LINGO2: variants seen among roughly 807,000 people sequenced by gnomAD.
LINGO2 encodes the protein leucine-rich repeat and immunoglobulin-like domain-containing nogo receptor-interacting protein 2.
LINGO2 carries 14 observed loss-of-function variants against 30.6 expected under a neutral mutation model. The ratio of observed to expected loss-of-function variants is 0.46; its 90% CI spans 0.30 to 0.72. LINGO2 has a LOEUF of 0.72. LINGO2 is among the 30% of genes least tolerant of loss of function. LINGO2 has a pLI of 0.07. For synonymous variants in LINGO2, 317 were observed against 288.5 expected, an observed-to-expected ratio of 1.10 and a Z score of -1.00; for missense variants, 729 against 751.7, an observed-to-expected ratio of 0.97 and a Z score of 0.35.
At chr9:28,777,931 C>T in the LINGO2 span, among the ~76,000 whole-genome samples, 1 of 152,068 alleles carries the variant, frequency 6.6e-6, no homozygotes, top group African/African-American at 2.4e-5. Context: ...CCCATAGTTC[C>T]TTCTGCCTTC....
chr9:28,586,764 G>A (rs903560003), intron 1 of LINGO2, among the ~76,000 whole-genome samples: 6 of 151,976 alleles, frequency 3.9e-5, no homozygotes, highest in African/African-American at 1.4e-4. Context: ...TCTCAAAGGT[G>A]AGCAGGGCCG....
At chr9:29,016,638 C>T in the LINGO2 span, among the ~76,000 whole-genome samples, 1 of 152,160 alleles carries the variant, frequency 6.6e-6, no homozygotes, top group Non-Finnish European at 1.5e-5. Context: ...CAAATTCTTA[C>T]ATTAACCCAA....
At chr9:28,618,997 A>G (rs1032688718) in intron 1 of LINGO2, among the ~76,000 whole-genome samples, 1 of 152,160 alleles carries the variant, frequency 6.6e-6, no homozygotes, top group Non-Finnish European at 1.5e-5. Flanking sequence ...GCAAAATAAG[A>G]CTTCGTAAAT....
At chr9:28,958,817 C>T in the LINGO2 span, among the ~76,000 whole-genome samples, 6 of 151,848 alleles carry the variant, frequency 4.0e-5, no homozygotes, top group Admixed American at 1.3e-4. Context: ...AGAGGTTGGC[C>T]ATGGCAATGA....
At chr9:27,949,684 G>C (rs1176565295) in exon 6 of LINGO2, 3 of 1,614,140 alleles carry the variant, frequency 1.9e-6, no homozygotes, top group South Asian at 2.2e-5. Flanking sequence ...AGCAGGTTCT[G>C]AGACACATTG....
chr9:27,939,072 C>A, the LINGO2 span: 4 of 152,108 alleles, frequency 2.6e-5, no homozygotes, highest in African/African-American at 9.7e-5. Flanking sequence ...ATTTACTTAT[C>A]AATTTGGAAA....
intron 5 of LINGO2, among the ~76,000 whole-genome samples, chr9:28,007,171 CT>C (rs1354867647): frequency 1.3e-5 from 2 of 152,154 alleles, no homozygotes; most frequent in African/African-American, 4.8e-5. Flanking sequence ...AGACAGTCAT[CT>C]AGCCCAACTC....
chr9:28,072,276 C>G (rs1199046021), intron 4 of LINGO2, among the ~76,000 whole-genome samples: 2 of 152,194 alleles, frequency 1.3e-5, no homozygotes, highest in African/African-American at 2.4e-5. Context: ...CCTGTCCTCT[C>G]TTAAGAAAAT....
At chr9:29,035,557 C>T in the LINGO2 span, among the ~76,000 whole-genome samples, 10 of 74,416 alleles carry the variant, frequency 1.3e-4, no homozygotes, top group South Asian at 4.1e-3. Flanking sequence ...TACATTCCTT[C>T]TTCCAGTGTA....
chr9:28,339,913 G>A (rs1255362183), intron 3 of LINGO2, among the ~76,000 whole-genome samples: 4 of 152,108 alleles, frequency 2.6e-5, no homozygotes, highest in South Asian at 2.1e-4. Flanking sequence ...CCTGTAGCCT[G>A]TTTAGCCATA....
At chr9:28,671,312 T>C (rs1829000428), upstream of LINGO2, among the ~76,000 whole-genome samples, 2 of 151,936 alleles carry the variant, frequency 1.3e-5, no homozygotes, top group Non-Finnish European at 2.9e-5. Flanking sequence ...GGTAGAAAGA[T>C]GGTGCTCCTC....
intron 4 of LINGO2, among the ~76,000 whole-genome samples, chr9:28,156,871 C>A (rs568911203): frequency 6.6e-6 from 1 of 152,334 alleles, no homozygotes; most frequent in South Asian, 2.1e-4. Flanking sequence ...TGCTTTATAT[C>A]CAGGTCATGC....
At chr9:28,110,320 G>T (rs909291847) in intron 4 of LINGO2, among the ~76,000 whole-genome samples, 1 of 152,154 alleles carries the variant, frequency 6.6e-6, no homozygotes, top group African/African-American at 2.4e-5. Flanking sequence ...ATACCATTCA[G>T]AACATAGGCA....
At chr9:28,029,632 T>C (rs1823563209) in intron 4 of LINGO2, among the ~76,000 whole-genome samples, 1 of 152,146 alleles carries the variant, frequency 6.6e-6, no homozygotes, top group Non-Finnish European at 1.5e-5. Context: ...TGACCTGAAA[T>C]CAGCAATAAC....
rs183276947 is a variant in LINGO2 at position 28,626,077 on chromosome 9, C to T, written c.-365+44123G>A. ...GAGAATTCCGCTTGCTTCACAAATGCCAAAATTTGTATTCTCATTCTTTTA... is the reference window on the plus strand; with the variant it reads ...GAGAATTCCGCTTGCTTCACAAATGTCAAAATTTGTATTCTCATTCTTTTA... On this transcript the variant is annotated intron_variant, in intron 1 of 5. Coordinates refer to ENST00000379992, the Ensembl canonical transcript of LINGO2. 2.3e-3 allele frequency among the ~76,000 whole-genome samples: 350 copies of T among 152,150 alleles called. 2 individuals are homozygous for T. The highest frequency in any genetic ancestry group is 8.1e-3 in the African/African-American group (337 of 41,532).
chr9:28,991,179 T>G, the LINGO2 span, among the ~76,000 whole-genome samples: 1 of 152,058 alleles, frequency 6.6e-6, no homozygotes, highest in African/African-American at 2.4e-5. Flanking sequence ...AAGGAGCTGA[T>G]GGAGCTGAAA....
intron 1 of LINGO2, among the ~76,000 whole-genome samples, chr9:28,593,989 C>A (rs1224318785): frequency 6.6e-6 from 1 of 151,636 alleles, no homozygotes; most frequent in African/African-American, 2.4e-5. Flanking sequence ...GAACTCCTTG[C>A]TTTCACTATT....
At chr9:28,568,064 T>A (rs1454070993) in intron 1 of LINGO2, among the ~76,000 whole-genome samples, 1 of 152,018 alleles carries the variant, frequency 6.6e-6, no homozygotes, top group South Asian at 2.1e-4. Context: ...AGGTGTGACA[T>A]CAGCAAGGTG....
chr9:28,658,773 A>T (rs1450082997), intron 1 of LINGO2, among the ~76,000 whole-genome samples: 19 of 152,108 alleles, frequency 1.2e-4, no homozygotes, highest in Non-Finnish European at 7.4e-5. Flanking sequence ...AATCACAGCA[A>T]TAGAAAACTA....
Sources: gnomAD v4.1 joint callset for allele counts (sites outside exome capture counted in the v4.1 genomes callset) on GRCh38, gnomAD v4.1.1 for gene constraint, MANE v1.5 for transcripts, NCBI Gene and HGNC (gene_info 2026-07-23, HGNC 2026-07-21) for gene names.